The following CAMK2G variants were observed in gnomAD, a reference collection of about 807,000 sequenced individuals.
CAMK2G encodes calcium/calmodulin-dependent protein kinase type II subunit gamma.
CAMK2G carries 23 observed loss-of-function variants against 88.7 expected under a neutral mutation model. That is an observed-to-expected ratio of 0.26 (90% CI 0.19 to 0.37). The LOEUF is 0.37. Among genes scored for constraint, CAMK2G ranks in the 10% least tolerant of loss-of-function variants. The probability of loss-of-function intolerance (pLI) is 1.00; values close to 1 mark genes in which losing one functional copy is unlikely to be tolerated. For missense variants in CAMK2G, 476 were observed against 780.8 expected, an observed-to-expected ratio of 0.61 and a Z score of 4.65; for synonymous variants, 263 against 294.8, an observed-to-expected ratio of 0.89 and a Z score of 1.11.
At chr10:73,827,999 G>A (rs2091506882) in intron 15 of CAMK2G, 90 bp downstream of exon 15, 1 of 1,015,358 alleles carries the variant, frequency 9.8e-7, no homozygotes, top group Non-Finnish European at 1.6e-6. Flanking sequence ...GGATGAGTGA[G>A]GCACACGCAC....
chr10:73,825,562 G>T (rs567915569), intron 15 of CAMK2G, among the ~76,000 whole-genome samples: 1 of 152,294 alleles, frequency 6.6e-6, no homozygotes, highest in South Asian at 2.1e-4. Context: ...CCCTCAAGGT[G>T]GGACCAGCCC....
In CAMK2G at chr10:73,839,201, C is replaced by A. The variant is rs1026515966; in HGVS notation, c.1009+338G>T. ...GCGGAAATCTAGTCCTAGCACCGGG[C>A]AGCTCAGGGCAATGCCCAGCACTGT... On this transcript the variant is annotated intron_variant, in intron 13 of 22. Transcript: ENST00000423381. The surrounding 1 kb of genome is among the most constrained non-coding windows in gnomAD (Gnocchi z 4.2). 1.8e-4 allele frequency among the ~76,000 whole-genome samples: 28 copies of A among 152,210 alleles called. No individual in the cohort carries two copies. The highest frequency in any genetic ancestry group is 2.2e-4 in the Non-Finnish European group (15 of 68,026).
rs148825732 is a variant in CAMK2G at position 73,865,502 on chromosome 10, C to T, written c.161-4613G>A. Among the ~76,000 whole-genome samples, 5 of 152,356 alleles carry T rather than the reference C, an allele frequency of 3.3e-5. No individual in the cohort carries two copies. The East Asian group carries it at 9.6e-4, about 29-fold the overall frequency. On this transcript the variant is annotated intron_variant, in intron 2 of 22. Coordinates refer to ENST00000423381, the MANE Select transcript of CAMK2G (RefSeq NM_001367534.1). ...CCTCTCCAGCTGTTGTCTCCTGTCT[C>T]TTCCCCTGACACTTCCTGTCCTGTA... is the stretch of plus-strand genomic sequence containing the variant.
Position 73,849,024 on chromosome 10 carries a change from T to C in CAMK2G, c.506A>G (p.Gln169Arg). The part of the protein sequence containing the change: ...GLAIEVQGEQ[Q>R]AWFGFAGTPG... ...AGGATCACCCTTACCAAACCAAGCC[T>C]GCTGCTCTCCCTGTACTTCGATGGC... The change falls in exon 7 of 23, where the codon CAG becomes CGG. Residue 169 changes from glutamine (Q) to arginine (R), a missense_variant. By Grantham distance (43) the Gln-to-Arg change is conservative (BLOSUM62 1). This residue lies in a region of CAMK2G where 164 missense variants were observed against 385.6 expected (regional missense o/e 0.43). Coordinates refer to ENST00000423381, the MANE Select transcript of CAMK2G (RefSeq NM_001367534.1). The C allele has an allele frequency of 6.2e-7, 1 of 1,609,658 alleles. No individual in the cohort carries two copies. The highest frequency in any genetic ancestry group is 8.5e-7 in the Non-Finnish European group (1 of 1,175,974).
intron 19 of CAMK2G, among the ~76,000 whole-genome samples, chr10:73,819,177 G>C (rs990403655): frequency 1.3e-5 from 2 of 152,004 alleles, no homozygotes; most frequent in Admixed American, 1.3e-4. Flanking sequence ...TCGCTGTCAC[G>C]ATTTCCCCAT....
intron 14 of CAMK2G, among the ~76,000 whole-genome samples, chr10:73,835,176 C>T (rs1340364216): frequency 1.3e-5 from 2 of 152,228 alleles, no homozygotes; most frequent in Non-Finnish European, 2.9e-5. Context: ...GCCAGGTGCA[C>T]ACCTCCCTGA....
At position 73,842,630 on chromosome 10, in the gene CAMK2G, G is replaced by A; in HGVS notation, c.820-89C>T. 1.1e-6 allele frequency: 1 copy of A among 914,492 alleles called. No homozygotes were observed. 56.6% of individuals were successfully genotyped at this position (914,492 alleles called of 1,614,324 possible). On this transcript the variant is annotated intron_variant, in intron 10 of 22. Coordinates refer to ENST00000423381, the MANE Select transcript of CAMK2G (RefSeq NM_001367534.1). The surrounding 1 kb of genome is among the most constrained non-coding windows in gnomAD (Gnocchi z 4.6). The stretch of plus-strand genomic sequence containing the variant: ...GCACCGATACCATGCCCAGGACAGG[G>A]TCATGCACTCAGCCACCCCAGAGTT...
At chr10:73,859,851 G>T (rs775901477) in intron 3 of CAMK2G, among the ~76,000 whole-genome samples, 1 of 152,264 alleles carries the variant, frequency 6.6e-6, no homozygotes, top group East Asian at 1.9e-4. Flanking sequence ...TGGGAAGCCA[G>T]GGGCTGGGTA....
At chr10:73,865,978 G>T (rs1183155807) in intron 2 of CAMK2G, among the ~76,000 whole-genome samples, 1 of 151,948 alleles carries the variant, frequency 6.6e-6, no homozygotes, top group African/African-American at 2.4e-5. Flanking sequence ...ACCCCTGCCG[G>T]CCTTCAGCCC....
At position 73,828,105 on chromosome 10, in the gene CAMK2G, G is replaced by A. The variant is rs1316197588; in HGVS notation, c.1070C>T (p.Ser357Phe). Residue 357 changes from serine to phenylalanine, a missense_variant, in exon 15 of 23, where the codon TCC becomes TTC. Around this residue, in one of 3 missense-constraint regions of CAMK2G, gnomAD observed 278 missense variants for 366.5 expected, o/e 0.76. Transcript: ENST00000423381. Reference sequence around the variant, plus strand: ...AAGGCTCACCATTAGGTGCACGCTGGAACTCGACTTCCTTTTCTGGACACA... The same window carrying A: ...AAGGCTCACCATTAGGTGCACGCTGAAACTCGACTTCCTTTTCTGGACACA... ...DGGVKKRKSS[S>F]SVHLMPQSNN... 1 of 1,613,718 alleles carries A rather than the reference G, an allele frequency of 6.2e-7. No homozygotes were observed. Among genetic ancestry groups the A allele is most frequent in the Non-Finnish European group, 8.5e-7 (1 of 1,179,598 alleles).
At chr10:73,828,290 G>A (rs138928207) in intron 14 of CAMK2G, among the ~76,000 whole-genome samples, 169 bp from the exon 15 acceptor site, 237 of 152,276 alleles carry the variant, frequency 1.6e-3, no homozygotes, top group Middle Eastern at 0.01. Flanking sequence ...CGGACCGACA[G>A]GCACTCACAC....
At chr10:73,832,371 C>T (rs1002812744) in intron 14 of CAMK2G, among the ~76,000 whole-genome samples, 8 of 151,744 alleles carry the variant, frequency 5.3e-5, no homozygotes, top group Admixed American at 3.9e-4. Context: ...TGCAGTGGCG[C>T]ACTTGGCTCA....
At chr10:73,824,425 C>T (rs1194943683) in intron 16 of CAMK2G, among the ~76,000 whole-genome samples, 1 of 152,178 alleles carries the variant, frequency 6.6e-6, no homozygotes, top group Non-Finnish European at 1.5e-5. Context: ...ACTAGAGGAG[C>T]TGTGGGACTG....
At chr10:73,865,884 C>A (rs573234868) in intron 2 of CAMK2G, among the ~76,000 whole-genome samples, 85 of 152,166 alleles carry the variant, frequency 5.6e-4, no homozygotes, top group African/African-American at 1.9e-3. Context: ...CCAGCCCCCC[C>A]CTTCCTGTTT....
chr10:73,821,021 G>A (rs1203059649), intron 18 of CAMK2G, among the ~76,000 whole-genome samples: 1 of 151,966 alleles, frequency 6.6e-6, no homozygotes, highest in Non-Finnish European at 1.5e-5. Context: ...TGTTGGCCAG[G>A]CTGGTTTTGA....
intron 22 of CAMK2G, 75 bp from the exon 23 acceptor site, chr10:73,814,580 C>A (rs547874938): frequency 5.1e-6 from 1 of 195,134 alleles, no homozygotes; most frequent in Non-Finnish European, 1.1e-5. Context: ...GACTTTAGCA[C>A]GCTAAACACA....
At chr10:73,870,425 G>A (rs1274303497) in intron 2 of CAMK2G, among the ~76,000 whole-genome samples, 1 of 152,146 alleles carries the variant, frequency 6.6e-6, no homozygotes, top group Admixed American at 6.5e-5. Flanking sequence ...CCGCCAATGT[G>A]GGCCTCTGAG....
intron 17 of CAMK2G, among the ~76,000 whole-genome samples, chr10:73,822,348 A>G (rs1016718485): frequency 6.6e-6 from 1 of 152,002 alleles, no homozygotes; most frequent in African/African-American, 2.4e-5. Flanking sequence ...TTGTATTTTT[A>G]TTAGAGATGG....
In CAMK2G at chr10:73,845,938, T is replaced by C. The variant is rs1403366900; in HGVS notation, c.819+1287A>G. Among the ~76,000 whole-genome samples, 8 of 150,788 alleles carry C rather than the reference T, an allele frequency of 5.3e-5. No individual in the cohort carries two copies. In the South Asian group the frequency reaches 1.5e-3, roughly 28 times the overall value. ...TTTTTTTTTTTAAAGAGGTGGGGTC[T>C]GACCATCTTTCCCAGGCTGGAGTAC... is the stretch of plus-strand genomic sequence containing the variant. On this transcript the variant is annotated intron_variant, in intron 10 of 22. Transcript: ENST00000423381.
Sources: gnomAD v4.1 joint callset for allele counts (sites outside exome capture counted in the v4.1 genomes callset) on GRCh38, gnomAD v4.1.1 for gene constraint, gnomAD v4.1.1 regional missense constraint, Gnocchi (gnomAD v3.1) non-coding constraint, MANE v1.5 for transcripts, NCBI Gene and HGNC (gene_info 2026-07-23, HGNC 2026-07-21) for gene names.